The following PPM1L variants were observed in gnomAD, a reference collection of about 807,000 sequenced individuals.
PPM1L encodes protein phosphatase, Mg2+/Mn2+ dependent 1L.
In PPM1L, 13 loss-of-function variants were observed where a neutral mutation model predicts 31.4. The observed-to-expected ratio is 0.41, with a 90% CI of 0.27 to 0.66. PPM1L has a LOEUF of 0.66. PPM1L is among the 30% of genes least tolerant of loss of function. The pLI is 0.29. For synonymous variants in PPM1L, 184 were observed against 175.4 expected (o/e 1.05, Z -0.39); for missense variants, 326 against 453.7 (o/e 0.72, Z 2.56).
At position 160,954,956 on chromosome 3, in the gene PPM1L, C is replaced by CTTCCTTCCTTTCCTTTCCT. The variant is rs1553749482; in HGVS notation, c.400-6774_400-6773insCCTTTCCTTTCCTTTCCTT. 1.3e-4 allele frequency among the ~76,000 whole-genome samples: 10 copies of CTTCCTTCCTTTCCTTTCCT among 77,434 alleles called. 1 individual carries two copies. Among genetic ancestry groups the CTTCCTTCCTTTCCTTTCCT allele is most frequent in the African/African-American group, 5.7e-4 (9 of 15,816 alleles). 50.8% of individuals were successfully genotyped at this position (77,434 alleles called of 152,430 possible). ...CCTTCCTTCCTTCCTTCCTTCCTTCCTTCCTTTCCTTTCCTTTCCTTTCCT... is the reference window on the plus strand; with the variant it reads ...CCTTCCTTCCTTCCTTCCTTCCTTCCTTCCTTCCTTTCCTTTCCTTTCCTTTCCTTTCCTTTCCTTTCCT... On this transcript the variant is annotated intron_variant, in intron 1 of 3. Coordinates refer to ENST00000498165, the MANE Select transcript of PPM1L (RefSeq NM_139245.4).
intron 1 of PPM1L, among the ~76,000 whole-genome samples, chr3:160,857,593 TCTA>T (rs1204100104): frequency 6.6e-6 from 1 of 152,238 alleles, no homozygotes; most frequent in East Asian, 1.9e-4. Flanking sequence ...TCATTTATAT[TCTA>T]CTGTTTATTG....
intron 1 of PPM1L, among the ~76,000 whole-genome samples, chr3:160,943,141 T>C (rs1020382443): frequency 6.6e-6 from 1 of 152,170 alleles, no homozygotes; most frequent in Non-Finnish European, 1.5e-5. Context: ...TATCTGCCAA[T>C]GGAGGAGAAC....
At chr3:161,002,249 TG>T (rs1259159692) in intron 2 of PPM1L, among the ~76,000 whole-genome samples, 4 of 152,216 alleles carry the variant, frequency 2.6e-5, no homozygotes, top group Non-Finnish European at 1.5e-5. Context: ...GTTGGACATT[TG>T]GGTTGGTTCC....
chr3:161,054,402 C>T (rs1445386491), intron 2 of PPM1L, among the ~76,000 whole-genome samples: 2 of 151,848 alleles, frequency 1.3e-5, no homozygotes, highest in East Asian at 1.9e-4. Context: ...TCAGTGGGTA[C>T]GGGATAAAGC....
In PPM1L at chr3:160,944,414, T is replaced by C. The variant is rs544653601; in HGVS notation, c.400-17322T>C. Among the ~76,000 whole-genome samples, 3 of 151,798 alleles carry C rather than the reference T, an allele frequency of 2.0e-5. No homozygotes were observed. The South Asian group carries it at 6.2e-4, about 32-fold the overall frequency. On this transcript the variant is annotated intron_variant, in intron 1 of 3. Transcript: ENST00000498165. The stretch of plus-strand genomic sequence containing the variant: ...CACATTTTTATTTTTAATCTTACAT[T>C]AAATAAAGCAGCTGCCCTTTATAAT...
intron 1 of PPM1L, among the ~76,000 whole-genome samples, chr3:160,825,954 G>C (rs9866566): frequency 0.42 from 64,010 of 151,832 alleles, 14,284 homozygotes; most frequent in East Asian, 0.59. Context: ...AATTTTCTAG[G>C]CGAGAGTTTG....
At chr3:160,858,302 A>T in intron 1 of PPM1L, among the ~76,000 whole-genome samples, 1 of 151,640 alleles carries the variant, frequency 6.6e-6, no homozygotes, top group Non-Finnish European at 1.5e-5. Flanking sequence ...GCTGGAGTGC[A>T]ATAGCATGGT....
intron 2 of PPM1L, among the ~76,000 whole-genome samples, chr3:160,962,197 A>G (rs112883758): frequency 3.9e-5 from 6 of 152,166 alleles, no homozygotes; most frequent in African/African-American, 1.4e-4. Flanking sequence ...TTGGATAGCA[A>G]CTGAAAACTT....
chr3:160,954,452 C>T (rs1458813412), intron 1 of PPM1L, among the ~76,000 whole-genome samples: 5 of 151,978 alleles, frequency 3.3e-5, no homozygotes, highest in African/African-American at 1.2e-4. Flanking sequence ...ACCTCCACCT[C>T]CCGGGGCTCA....
chr3:160,904,770 TAGAGAG>T (rs374280264), intron 1 of PPM1L, among the ~76,000 whole-genome samples: 1 of 148,438 alleles, frequency 6.7e-6, no homozygotes, highest in African/African-American at 2.5e-5. Flanking sequence ...GAAGGAGAGA[TAGAGAG>T]AGAGAGAGGG....
intron 1 of PPM1L, among the ~76,000 whole-genome samples, chr3:160,941,612 C>T (rs573974731): frequency 4.6e-5 from 7 of 152,166 alleles, no homozygotes; most frequent in Admixed American, 2.6e-4. Flanking sequence ...TCCCCTCCCG[C>T]GATGATTCTG....
intron 1 of PPM1L, among the ~76,000 whole-genome samples, chr3:160,766,340 A>G (rs984362937): frequency 2.0e-5 from 3 of 152,184 alleles, no homozygotes; most frequent in African/African-American, 4.8e-5. Context: ...TGTAATTTCC[A>G]TGTGTTGAGG....
At chr3:161,019,370 T>A (rs13062651) in intron 2 of PPM1L, among the ~76,000 whole-genome samples, 55,691 of 151,308 alleles carry the variant, frequency 0.37, 10,832 homozygotes, top group East Asian at 0.64. Context: ...ATTTAAAAAA[T>A]TTTTTTTTGT....
chr3:160,965,124 G>A (rs1716097157), intron 2 of PPM1L, among the ~76,000 whole-genome samples: 4 of 151,620 alleles, frequency 2.6e-5, no homozygotes, highest in South Asian at 2.1e-4. Flanking sequence ...GGTGGTGGGC[G>A]CCTGTAGTCC....
At chr3:160,830,342 G>A (rs1713486927) in intron 1 of PPM1L, among the ~76,000 whole-genome samples, 1 of 152,118 alleles carries the variant, frequency 6.6e-6, no homozygotes, top group Non-Finnish European at 1.5e-5. Context: ...ACATCAGAAA[G>A]AAAAAGCATG....
chr3:160,919,606 AGTTT>A (rs1245085555), intron 1 of PPM1L, among the ~76,000 whole-genome samples: 3 of 152,026 alleles, frequency 2.0e-5, no homozygotes, highest in Non-Finnish European at 4.4e-5. Context: ...CTTTTTTGTT[AGTTT>A]GTTTTAGACT....
intron 1 of PPM1L, among the ~76,000 whole-genome samples, chr3:160,827,511 G>C (rs1163525545): frequency 6.7e-6 from 1 of 150,350 alleles, no homozygotes; most frequent in African/African-American, 2.5e-5. Context: ...TAAGCTCCAA[G>C]GGTAAGAGTT....
intron 1 of PPM1L, among the ~76,000 whole-genome samples, chr3:160,949,594 C>T (rs1376154038): frequency 6.6e-6 from 1 of 152,140 alleles, no homozygotes; most frequent in Non-Finnish European, 1.5e-5. Flanking sequence ...AGTTCTCACT[C>T]ATAGGACATT....
At chr3:161,038,584 TTAAAAAAAAAAAA>T (rs1718816249) in intron 2 of PPM1L, among the ~76,000 whole-genome samples, 1 of 100,760 alleles carries the variant, frequency 9.9e-6, no homozygotes, top group Admixed American at 1.1e-4. Context: ...GGGATTTGTT[TTAAAAAAAAAAAA>T]AAAAAAAAAA....
Sources: gnomAD v4.1 joint callset for allele counts (sites outside exome capture counted in the v4.1 genomes callset) on GRCh38, gnomAD v4.1.1 for gene constraint, MANE v1.5 for transcripts, NCBI Gene and HGNC (gene_info 2026-07-23, HGNC 2026-07-21) for gene names.